Variants in PHAX observed in about 807,000 individuals in gnomAD.
PHAX encodes the protein phosphorylated adapter RNA export protein.
In PHAX, 31 loss-of-function variants were observed where a neutral mutation model predicts 41.6. The observed-to-expected ratio is 0.75, with a 90% CI of 0.56 to 1.01. The LOEUF is 1.01. PHAX is among the 50% of genes least tolerant of loss of function. The pLI is 0.00. For missense variants in PHAX, 453 were observed against 472.9 expected, an observed-to-expected ratio of 0.96 and a Z score of 0.39; for synonymous variants, 175 against 164.9, an observed-to-expected ratio of 1.06 and a Z score of -0.47.
intron 4 of PHAX, among the ~76,000 whole-genome samples, chr5:126,622,627 A>G (rs1482440477): frequency 6.6e-6 from 1 of 151,878 alleles, no homozygotes; most frequent in Non-Finnish European, 1.5e-5. Flanking sequence ...CCATATTTGG[A>G]GAGAAAAGGG....
At chr5:126,604,293 T>TTTTTTTTTTTTTTTTTTTTTTG (rs1751956282) in intron 2 of PHAX, 110 bp downstream of exon 2, 1 of 965,722 alleles carries the variant, frequency 1.0e-6, no homozygotes, top group African/African-American at 1.7e-5. Flanking sequence ...TTTTTTTTTT[T>TTTTTTTTTTTTTTTTTTTTTTG]GGAGACAGGG....
intron 4 of PHAX, among the ~76,000 whole-genome samples, chr5:126,622,442 ATTTTTTTTT>A (rs56297404): frequency 3.6e-5 from 2 of 56,072 alleles, no homozygotes; most frequent in Non-Finnish European, 6.6e-5. Context: ...TAATTTTTGT[ATTTTTTTTT>A]TTTTTTTTTT....
At chr5:126,613,665 C>T (rs921238422) in intron 3 of PHAX, among the ~76,000 whole-genome samples, 9 of 152,028 alleles carry the variant, frequency 5.9e-5, no homozygotes, top group African/African-American at 2.2e-4. Context: ...GGGTGAAGAG[C>T]GAGACTGTGT....
intron 1 of PHAX, among the ~76,000 whole-genome samples, chr5:126,602,519 G>C (rs934141630): frequency 6.6e-6 from 1 of 152,242 alleles, no homozygotes; most frequent in Non-Finnish European, 1.5e-5. Flanking sequence ...TTTGAAGATA[G>C]GAAGATAGAT....
chr5:126,623,619 C>G (rs750488974), intron 4 of PHAX, among the ~76,000 whole-genome samples: 4 of 152,166 alleles, frequency 2.6e-5, no homozygotes, highest in Non-Finnish European at 5.9e-5. Flanking sequence ...TTCTCTTCAT[C>G]AAAACACTCA....
In PHAX at chr5:126,616,642, G is replaced by A. The variant is rs575319370; in HGVS notation, c.832-608G>A. ...CACCTGTAATCCTAGCACTTTGTGA[G>A]GCTGAGGCGGGCAGATCGCCTGAGG... On this transcript the variant is annotated intron_variant, in intron 3 of 4. Transcript: ENST00000297540. Among the ~76,000 whole-genome samples, 8 of 152,178 alleles carry A rather than the reference G, an allele frequency of 5.3e-5. No homozygotes were observed. The Middle Eastern group carries it at 0.01, about 194-fold the overall frequency.
rs914592066 is a variant in PHAX at position 126,625,067 on chromosome 5, C to T, written c.*223C>T. 2.1e-6 allele frequency: 1 copy of T among 485,316 alleles called. No homozygotes were observed. Among genetic ancestry groups the T allele is most frequent in the Non-Finnish European group, 3.6e-6 (1 of 277,802 alleles). The allele number at this position is 485,316 out of a possible 1,614,324, so 30.1% of individuals were successfully genotyped here. On this transcript the variant is annotated 3_prime_UTR_variant, in exon 5 of 5. Coordinates refer to ENST00000297540, the MANE Select transcript of PHAX (RefSeq NM_032177.4). The stretch of plus-strand genomic sequence containing the variant: ...GTATATAGCACAGGATTTAATTTCT[C>T]AATCTGTTGCATGTGCTAATTATGA...
intron 1 of PHAX, among the ~76,000 whole-genome samples, chr5:126,601,309 C>T (rs1174279915): frequency 6.6e-6 from 1 of 151,832 alleles, no homozygotes; most frequent in Non-Finnish European, 1.5e-5. Context: ...CCGTGCGAAC[C>T]CCGAACTGGC....
At chr5:126,611,406 C>T (rs1484881719) in intron 3 of PHAX, among the ~76,000 whole-genome samples, 2 of 152,106 alleles carry the variant, frequency 1.3e-5, no homozygotes, top group African/African-American at 2.4e-5. Context: ...GTGCTTTCTA[C>T]GTGCCAGGCA....
intron 4 of PHAX, among the ~76,000 whole-genome samples, chr5:126,618,968 T>A (rs1752230178): frequency 6.6e-6 from 1 of 152,142 alleles, no homozygotes; most frequent in Non-Finnish European, 1.5e-5. Flanking sequence ...AGACAAAGTC[T>A]TACTCTGTTG....
At chr5:126,622,807 T>A (rs543037048) in intron 4 of PHAX, among the ~76,000 whole-genome samples, 14 of 151,978 alleles carry the variant, frequency 9.2e-5, no homozygotes, top group Non-Finnish European at 1.6e-4. Context: ...ATCATCACAC[T>A]TTTGTGAAGG....
In PHAX at chr5:126,601,052, A is replaced by G. The variant is rs781073020; in HGVS notation, c.90A>G (p.Gln30=). ...MTVAPSDRPL[Q]LPKVLGGDSA... ...TCGCACCCAGCGACAGGCCGCTGCA[A>G]TTGCCAGTGAGTGTGAAAGGAGGGT... Residue 30 remains glutamine, a synonymous_variant, in exon 1 of 5, where the codon CAA becomes CAG. Coordinates refer to ENST00000297540, the MANE Select transcript of PHAX (RefSeq NM_032177.4). 41 of 1,604,112 alleles carry G rather than the reference A, an allele frequency of 2.6e-5. No homozygotes were observed. Among genetic ancestry groups the G allele is most frequent in the South Asian group, 7.7e-5 (7 of 90,462 alleles).
chr5:126,601,008 T>A lies in PHAX; in HGVS notation c.46T>A (p.Ser16Thr). ...GDMEDGQLSD[S>T]DSDMTVAPSD... Reference sequence around the variant, plus strand: ...TATGGAAGATGGGCAGCTTTCCGACTCGGATTCCGACATGACGGTCGCACC... The same window carrying A: ...TATGGAAGATGGGCAGCTTTCCGACACGGATTCCGACATGACGGTCGCACC... The change falls in exon 1 of 5, where the codon TCG (serine) becomes ACG (threonine). Residue 16 changes from serine to threonine, a missense_variant. By Grantham distance (58) the Ser-to-Thr change is moderately conservative. Transcript: ENST00000297540. 1 of 1,606,196 alleles carries A rather than the reference T, an allele frequency of 6.2e-7. No individual in the cohort carries two copies.
In PHAX at chr5:126,625,454, AGGTGT is replaced by A. The variant is rs1229568850; in HGVS notation, c.*614_*618del. Reference sequence around the variant, plus strand: ...TCTACTAAAAATACAAAAACTAGCCAGGTGTGGTTCTCCATGCCTATAATCCCGGC... The same window carrying A: ...TCTACTAAAAATACAAAAACTAGCCAGGTTCTCCATGCCTATAATCCCGGC... On this transcript the variant is annotated 3_prime_UTR_variant, in exon 5 of 5. Coordinates refer to ENST00000297540, the MANE Select transcript of PHAX (RefSeq NM_032177.4). 6.6e-6 allele frequency: 1 copy of A among 152,150 alleles called. No individual in the cohort carries two copies. Among genetic ancestry groups the A allele is most frequent in the Non-Finnish European group, 1.5e-5 (1 of 68,062 alleles). 9.4% of individuals were successfully genotyped at this position (152,150 alleles called of 1,614,324 possible).
At chr5:126,602,136 G>A (rs112113457) in intron 1 of PHAX, among the ~76,000 whole-genome samples, 2,478 of 151,930 alleles carry the variant, frequency 0.016, 53 homozygotes, top group East Asian at 0.05. Flanking sequence ...TAGTAGAGAC[G>A]GGGGTTCTCC....
At chr5:126,611,246 G>T (rs1219519447) in intron 3 of PHAX, among the ~76,000 whole-genome samples, 1 of 151,974 alleles carries the variant, frequency 6.6e-6, no homozygotes, top group Admixed American at 6.6e-5. Flanking sequence ...TAGAGACAGG[G>T]TTTCTCCATG....
chr5:126,604,303 GT>G, intron 2 of PHAX, 120 bp downstream of exon 2: 1 of 869,990 alleles, frequency 1.1e-6, no homozygotes, highest in Non-Finnish European at 1.6e-6. Context: ...TGGAGACAGG[GT>G]CTTGCTCTGT....
intron 3 of PHAX, among the ~76,000 whole-genome samples, chr5:126,615,960 C>G (rs977109784): frequency 5.3e-5 from 8 of 151,428 alleles, no homozygotes; most frequent in Admixed American, 1.3e-4. Context: ...ATATTTGATC[C>G]CTTTGGAATA....
chr5:126,603,528 T>G (rs758525002), intron 1 of PHAX, 42 bp from the exon 2 acceptor site: 2 of 1,556,904 alleles, frequency 1.3e-6, no homozygotes, highest in Non-Finnish European at 1.7e-6. Flanking sequence ...AGGTGGAGTT[T>G]ATGTGTTTTG....
Sources: allele counts gnomAD v4.1 joint callset (sites outside exome capture counted in the v4.1 genomes callset), GRCh38; gene constraint gnomAD v4.1.1; transcripts MANE v1.5; gene names NCBI Gene and HGNC (gene_info 2026-07-23, HGNC 2026-07-21).